The following NRG1 variants were observed in gnomAD, a reference collection of about 807,000 sequenced individuals.
The protein encoded by NRG1 is pro-neuregulin-1, membrane-bound isoform.
In NRG1, 18 loss-of-function variants were observed where a neutral mutation model predicts 63.8. The ratio of observed to expected loss-of-function variants is 0.28; its 90% CI spans 0.19 to 0.42. The LOEUF is 0.42. NRG1 is among the 10% of genes least tolerant of loss of function. The pLI is 1.00. For synonymous variants in NRG1, 302 were observed against 301.3 expected, an observed-to-expected ratio of 1.00 and a Z score of -0.02; for missense variants, 762 against 814.7, an observed-to-expected ratio of 0.94 and a Z score of 0.79.
At chr8:31,678,147 C>T (rs1807921202) in intron 1 of NRG1, among the ~76,000 whole-genome samples, 1 of 151,642 alleles carries the variant, frequency 6.6e-6, no homozygotes. Context: ...TCATGAATTT[C>T]CTCTGACTTA....
At chr8:31,794,805 T>C (rs1821044474) in intron 1 of NRG1, among the ~76,000 whole-genome samples, 1 of 152,048 alleles carries the variant, frequency 6.6e-6, no homozygotes, top group Non-Finnish European at 1.5e-5. Flanking sequence ...TTTTGTAATA[T>C]GTTTCTAAAT....
intron 1 of NRG1, among the ~76,000 whole-genome samples, chr8:31,968,409 C>A (rs549348103): frequency 7.2e-5 from 11 of 152,140 alleles, no homozygotes; most frequent in Middle Eastern, 3.2e-3. Flanking sequence ...TAGGTACTCA[C>A]CCTATTCCCA....
At chr8:31,671,014 G>T (rs1807082446) in intron 1 of NRG1, among the ~76,000 whole-genome samples, 2 of 152,080 alleles carry the variant, frequency 1.3e-5, no homozygotes, top group Non-Finnish European at 1.5e-5. Context: ...ATATCCAAGT[G>T]TACTGAATAT....
chr8:32,551,959 G>A (rs1269565459), intron 1 of NRG1, among the ~76,000 whole-genome samples: 1 of 148,776 alleles, frequency 6.7e-6, no homozygotes, highest in East Asian at 2.0e-4. Flanking sequence ...CGCCAGGCTG[G>A]AGTGCAGTGG....
At chr8:32,568,257 A>G (rs1837849881) in intron 1 of NRG1, among the ~76,000 whole-genome samples, 1 of 152,176 alleles carries the variant, frequency 6.6e-6, no homozygotes, top group Non-Finnish European at 1.5e-5. Context: ...TCAATATTGA[A>G]GTTTCCTCCA....
chr8:32,005,039 A>G (rs1417172999), intron 1 of NRG1, among the ~76,000 whole-genome samples: 1 of 151,840 alleles, frequency 6.6e-6, no homozygotes, highest in Non-Finnish European at 1.5e-5. Flanking sequence ...AAGGAAAAAA[A>G]GAAAGGAAGA....
intron 1 of NRG1, among the ~76,000 whole-genome samples, chr8:31,867,254 G>A (rs570565737): frequency 4.1e-4 from 63 of 152,254 alleles, no homozygotes; most frequent in Non-Finnish European, 8.5e-4. Flanking sequence ...ATGTGCACAC[G>A]AGCTCTTTCC....
At chr8:31,697,863 C>T (rs1585741996) in intron 1 of NRG1, among the ~76,000 whole-genome samples, 1 of 147,798 alleles carries the variant, frequency 6.8e-6, no homozygotes, top group Non-Finnish European at 1.5e-5. Context: ...TTCTTCTTTC[C>T]TTCCTTCCTT....
At chr8:31,641,617 T>G (rs1447853348) in intron 1 of NRG1, 1 of 152,214 alleles carries the variant, frequency 6.6e-6, no homozygotes, top group Non-Finnish European at 1.5e-5. Flanking sequence ...GTTTATGCCA[T>G]TCATAAACTA....
intron 1 of NRG1, among the ~76,000 whole-genome samples, chr8:32,366,195 T>A (rs905374535): frequency 6.6e-6 from 1 of 152,182 alleles, no homozygotes; most frequent in African/African-American, 2.4e-5. Context: ...TATTTCTTTG[T>A]GTTGGGAACA....
At chr8:32,087,353 A>T (rs951806579) in intron 1 of NRG1, among the ~76,000 whole-genome samples, 6 of 152,040 alleles carry the variant, frequency 3.9e-5, no homozygotes, top group Non-Finnish European at 5.9e-5. Context: ...TTCCACCATG[A>T]TTATGAGCTT....
At chr8:32,624,428 C>G (rs1265696161) in intron 5 of NRG1, among the ~76,000 whole-genome samples, 1 of 152,094 alleles carries the variant, frequency 6.6e-6, no homozygotes, top group Non-Finnish European at 1.5e-5. Flanking sequence ...GTGAGCTAGA[C>G]AGGAAAACAA....
rs117942164 is a variant in NRG1, at chr8:31,678,186, G to A, written c.37+38755G>A. Among the ~76,000 whole-genome samples the A allele has an allele frequency of 2.7e-3, 410 of 152,094 alleles. 1 individual carries two copies. Among genetic ancestry groups the A allele is most frequent in the South Asian group, 0.019 (90 of 4,828 alleles). On this transcript the variant is annotated intron_variant, in intron 1 of 10. Coordinates refer to the NRG1 transcript ENST00000519301. ...GCTCACAGGGCAGCATTTTCTAATAGTGTTTTGTTTTAGCCTGAAATAAAA... is the reference window on the plus strand; with the variant it reads ...GCTCACAGGGCAGCATTTTCTAATAATGTTTTGTTTTAGCCTGAAATAAAA...
At chr8:32,468,873 G>A (rs565417960) in intron 1 of NRG1, among the ~76,000 whole-genome samples, 1 of 152,168 alleles carries the variant, frequency 6.6e-6, no homozygotes, top group East Asian at 1.9e-4. Flanking sequence ...AAGTGGAGGG[G>A]AAGAACATGA....
At chr8:32,495,949 C>T (rs1371469210) in intron 1 of NRG1, among the ~76,000 whole-genome samples, 8 of 152,142 alleles carry the variant, frequency 5.3e-5, no homozygotes, top group Non-Finnish European at 1.2e-4. Context: ...TCTTGGTGAA[C>T]TTTATCAGAC....
At chr8:32,653,224 A>G (rs1429171829) in intron 5 of NRG1, among the ~76,000 whole-genome samples, 1 of 151,978 alleles carries the variant, frequency 6.6e-6, no homozygotes, top group Admixed American at 6.6e-5. Flanking sequence ...GTTATATGAC[A>G]GTGGAAAACA....
At chr8:32,617,470 A>G (rs1563777555) in intron 5 of NRG1, among the ~76,000 whole-genome samples, 2 of 152,240 alleles carry the variant, frequency 1.3e-5, no homozygotes, top group African/African-American at 4.8e-5. Context: ...GTGGACTTCT[A>G]TAACTGTTAG....
chr8:32,567,082 C>A (rs1330106137), intron 1 of NRG1, among the ~76,000 whole-genome samples: 1 of 152,144 alleles, frequency 6.6e-6, no homozygotes, highest in Non-Finnish European at 1.5e-5. Flanking sequence ...GCCTCAAGTG[C>A]CCACCTCGGC....
intron 1 of NRG1, among the ~76,000 whole-genome samples, chr8:31,848,388 C>T (rs1159633887): frequency 6.6e-6 from 1 of 152,152 alleles, no homozygotes; most frequent in Non-Finnish European, 1.5e-5. Context: ...CCCTAAGGAT[C>T]CATGGAATTA....
Sources: allele counts gnomAD v4.1 joint callset (sites outside exome capture counted in the v4.1 genomes callset), GRCh38; gene constraint gnomAD v4.1.1; transcripts MANE v1.5; gene names NCBI Gene and HGNC (gene_info 2026-07-23, HGNC 2026-07-21).